VWA8: variants seen among roughly 807,000 people sequenced by gnomAD.
The protein encoded by VWA8 is von Willebrand factor A domain-containing protein 8.
VWA8 carries 221 observed loss-of-function variants against 241.5 expected under a neutral mutation model. That is an observed-to-expected ratio of 0.91 (90% CI 0.82 to 1.02). The LOEUF (loss-of-function observed/expected upper bound fraction) is 1.02. VWA8 is among the 50% of genes least tolerant of loss of function. The pLI, the probability that VWA8 is intolerant of heterozygous loss-of-function variation, is 0.00. For missense variants in VWA8, 2,322 were observed against 2,328.7 expected, an observed-to-expected ratio of 1.00 and a Z score of 0.06; for synonymous variants, 852 against 827.1, an observed-to-expected ratio of 1.03 and a Z score of -0.52.
At chr13:41,745,345 C>G (rs967621875) in intron 21 of VWA8, among the ~76,000 whole-genome samples, 5 of 151,902 alleles carry the variant, frequency 3.3e-5, no homozygotes, top group African/African-American at 1.2e-4. Flanking sequence ...TGTGTCCAAG[C>G]GTTTTCATTG....
chr13:41,723,565 G>T (rs1378597124), intron 24 of VWA8, among the ~76,000 whole-genome samples: 1 of 152,166 alleles, frequency 6.6e-6, no homozygotes, highest in Non-Finnish European at 1.5e-5. Context: ...GTGGCAAATG[G>T]AAGTGATGGG....
chr13:41,646,522 T>C (rs7999765), intron 37 of VWA8, among the ~76,000 whole-genome samples: 6,178 of 152,314 alleles, frequency 0.041, 159 homozygotes, highest in South Asian at 0.078. Context: ...CACATAGTTA[T>C]TAATTGGAGG....
At chr13:41,654,531 T>A (rs1300153905) in intron 37 of VWA8, among the ~76,000 whole-genome samples, 1 of 152,198 alleles carries the variant, frequency 6.6e-6, no homozygotes, top group Non-Finnish European at 1.5e-5. Context: ...GGACACAATT[T>A]ACATTCCTCG....
rs192211630 is a variant in VWA8, at chr13:41,629,649, G to A, written c.4612-14565C>T. Among the ~76,000 whole-genome samples the A allele has an allele frequency of 4.6e-5, 7 of 152,208 alleles. No homozygotes were observed. The East Asian group carries it at 1.2e-3, about 25-fold the overall frequency. On this transcript the variant is annotated intron_variant, in intron 37 of 44. Transcript: ENST00000379310. Reference sequence around the variant, plus strand: ...ATGAAAGTCACATAATATTTCCCTAGGAATGATGTTTTTTCACATGAAGTC... The same window carrying A: ...ATGAAAGTCACATAATATTTCCCTAAGAATGATGTTTTTTCACATGAAGTC...
At chr13:41,805,403 G>A (rs917166819) in intron 17 of VWA8, among the ~76,000 whole-genome samples, 1 of 152,128 alleles carries the variant, frequency 6.6e-6, no homozygotes, top group Non-Finnish European at 1.5e-5. Context: ...CAATACTAGA[G>A]CACCCAAATA....
chr13:41,721,625 T>C (rs760614115), intron 24 of VWA8, 50 bp from the exon 25 acceptor site: 5 of 1,544,078 alleles, frequency 3.2e-6, no homozygotes, highest in Non-Finnish European at 4.4e-6. Context: ...TCCATTACGA[T>C]GTCACAGGAA....
intron 21 of VWA8, among the ~76,000 whole-genome samples, chr13:41,751,091 G>C (rs186960826): frequency 1.3e-5 from 2 of 152,006 alleles, no homozygotes; most frequent in Non-Finnish European, 2.9e-5. Context: ...TTTGAAAACA[G>C]CTTAGAACAG....
chr13:41,959,503 AAAAAAAAC>A (rs2138177161), intron 1 of VWA8, among the ~76,000 whole-genome samples: 1 of 151,076 alleles, frequency 6.6e-6, no homozygotes, highest in East Asian at 1.9e-4. Flanking sequence ...CAAAAAAAAA[AAAAAAAAC>A]AAAAAGTAAA....
intron 41 of VWA8, among the ~76,000 whole-genome samples, chr13:41,589,680 C>T (rs1280018974): frequency 6.6e-6 from 1 of 152,170 alleles, no homozygotes; most frequent in Non-Finnish European, 1.5e-5. Flanking sequence ...ACTCTGGGCC[C>T]TTCCCTGAGT....
chr13:41,805,386 A>T (rs1279525816), intron 17 of VWA8, among the ~76,000 whole-genome samples: 1 of 152,254 alleles, frequency 6.6e-6, no homozygotes, highest in Non-Finnish European at 1.5e-5. Flanking sequence ...TTAAATATAT[A>T]TGCACCCAAT....
intron 37 of VWA8, among the ~76,000 whole-genome samples, chr13:41,621,068 G>A (rs904097843): frequency 6.6e-6 from 1 of 152,044 alleles, no homozygotes; most frequent in Non-Finnish European, 1.5e-5. Context: ...CATTTACAAT[G>A]GTTTGACATA....
At chr13:41,721,231 A>G (rs2045387455) in intron 25 of VWA8, 139 bp downstream of exon 25, 1 of 914,280 alleles carries the variant, frequency 1.1e-6, no homozygotes, top group Non-Finnish European at 1.7e-6. Flanking sequence ...TTTATAACTT[A>G]GATTATACAC....
At chr13:41,806,180 G>T (rs896558991) in intron 17 of VWA8, among the ~76,000 whole-genome samples, 7 of 151,826 alleles carry the variant, frequency 4.6e-5, no homozygotes, top group Non-Finnish European at 8.8e-5. Context: ...AAAATTTATT[G>T]AAACAAATGA....
chr13:41,902,060 G>A (rs893676158), intron 4 of VWA8, among the ~76,000 whole-genome samples: 2 of 151,250 alleles, frequency 1.3e-5, no homozygotes, highest in Non-Finnish European at 2.9e-5. Context: ...CTGTCCAAGT[G>A]CAAATTAGGA....
chr13:41,863,491 CTA>C (rs1289693985), intron 12 of VWA8, among the ~76,000 whole-genome samples: 7 of 139,898 alleles, frequency 5.0e-5, no homozygotes, highest in Non-Finnish European at 1.1e-4. Flanking sequence ...TTAGTTCTGT[CTA>C]TATATATTAG....
At chr13:41,573,552 A>G (rs1275963831) in intron 43 of VWA8, among the ~76,000 whole-genome samples, 1 of 145,910 alleles carries the variant, frequency 6.9e-6, no homozygotes, top group Non-Finnish European at 1.5e-5. Flanking sequence ...TATATATAAA[A>G]TATATACACG....
At chr13:41,657,688 ACCTTGTT>A (rs2044918103) in intron 37 of VWA8, among the ~76,000 whole-genome samples, 1 of 151,466 alleles carries the variant, frequency 6.6e-6, no homozygotes, top group African/African-American at 2.4e-5. Flanking sequence ...ACGGGGTTTC[ACCTTGTT>A]AGCCAGGATG....
In VWA8 at chr13:41,719,376, T is replaced by C. The variant is rs911380159; in HGVS notation, c.3116+215A>G. On this transcript the variant is annotated intron_variant, in intron 26 of 44. Coordinates refer to ENST00000379310, the MANE Select transcript of VWA8 (RefSeq NM_015058.2). ...ATTTCCCTTTATTTATTACATCTAC[T>C]CATGGGACATACATAATAATCAAAA... The C allele has an allele frequency of 1.6e-5, 22 of 1,386,738 alleles. No individual in the cohort carries two copies. In the East Asian group the frequency reaches 3.6e-4, roughly 23 times the overall value. 85.9% of individuals were successfully genotyped at this position (1,386,738 alleles called of 1,614,324 possible).
At position 41,599,755 on chromosome 13, in the gene VWA8, TTTGGAAAAGCCA is replaced by T. The variant is rs559613968; in HGVS notation, c.4986+5401_4986+5412del. Among the ~76,000 whole-genome samples, 136 of 152,266 alleles carry T rather than the reference TTTGGAAAAGCCA, an allele frequency of 8.9e-4. 2 individuals carry two copies. Among genetic ancestry groups the T allele is most frequent in the African/African-American group, 3.2e-3 (135 of 41,566 alleles). On this transcript the variant is annotated intron_variant, in intron 40 of 44. Coordinates refer to ENST00000379310, the MANE Select transcript of VWA8 (RefSeq NM_015058.2). The stretch of plus-strand genomic sequence containing the variant: ...CATCACCACATCATTTCTTATTTTG[TTTGGAAAAGCCA>T]TTGCAATGGGGCCAACTTTGGGCAT...
Sources: allele counts gnomAD v4.1 joint callset (sites outside exome capture counted in the v4.1 genomes callset), GRCh38; gene constraint gnomAD v4.1.1; transcripts MANE v1.5; gene names NCBI Gene and HGNC (gene_info 2026-07-23, HGNC 2026-07-21).